The following TGFBR3 variants were observed in gnomAD, a reference collection of about 807,000 sequenced individuals.
TGFBR3 encodes the protein transforming growth factor beta receptor type 3.
Under a neutral mutation model 87.9 loss-of-function variants are expected in TGFBR3, and 46 were observed. The ratio of observed to expected loss-of-function variants is 0.52; its 90% CI spans 0.41 to 0.67. TGFBR3 has a LOEUF of 0.67. Ranked by LOEUF, TGFBR3 falls within the 30% of genes least tolerant of loss-of-function variation. The pLI is 0.00. For synonymous variants in TGFBR3, 381 were observed against 391.6 expected (o/e 0.97, Z 0.32); for missense variants, 866 against 1,041.9 (o/e 0.83, Z 2.32).
At chr1:91,739,599 C>A (rs1263339299) in intron 4 of TGFBR3, among the ~76,000 whole-genome samples, 1 of 152,172 alleles carries the variant, frequency 6.6e-6, no homozygotes, top group Non-Finnish European at 1.5e-5. Context: ...CATTAGCAGT[C>A]CTTGCTGGGG....
intron 1 of TGFBR3, among the ~76,000 whole-genome samples, chr1:91,884,874 G>T (rs957756549): frequency 6.6e-6 from 1 of 152,194 alleles, no homozygotes; most frequent in Admixed American, 6.5e-5. Flanking sequence ...CTCCCAAACC[G>T]CTCACTTCTT....
At chr1:91,797,137 A>G in intron 3 of TGFBR3, 150 bp downstream of exon 3, 1 of 925,796 alleles carries the variant, frequency 1.1e-6, no homozygotes, top group Non-Finnish European at 1.8e-6. Context: ...TGCCCAATCC[A>G]GACAGCAGCT....
chr1:91,746,881 C>T (rs1210346270), intron 4 of TGFBR3, among the ~76,000 whole-genome samples: 1 of 152,174 alleles, frequency 6.6e-6, no homozygotes, highest in Non-Finnish European at 1.5e-5. Context: ...CTCTAGAGCT[C>T]TTTCTATTCC....
In TGFBR3 at chr1:91,832,778, G is replaced by A. The variant is rs566765471; in HGVS notation, c.61+28693C>T. On this transcript the variant is annotated intron_variant, in intron 2 of 16. Coordinates refer to ENST00000212355, the MANE Select transcript of TGFBR3 (RefSeq NM_003243.5). ...AGCACTTTGGGAGGCCGAGGCAGGC[G>A]GATCACATGAGGCCAGGAGTTCAAG... Among the ~76,000 whole-genome samples, 5 of 152,216 alleles carry A rather than the reference G, an allele frequency of 3.3e-5. No homozygotes were observed. The East Asian group carries it at 5.8e-4, about 18-fold the overall frequency.
intron 13 of TGFBR3, among the ~76,000 whole-genome samples, chr1:91,711,737 G>C (rs1483825806): frequency 1.3e-5 from 2 of 152,210 alleles, no homozygotes; most frequent in Non-Finnish European, 2.9e-5. Context: ...AATCTGGAGA[G>C]TGACAGGAGG....
chr1:91,763,418 C>T (rs1252578294), intron 3 of TGFBR3, among the ~76,000 whole-genome samples: 1 of 152,188 alleles, frequency 6.6e-6, no homozygotes, highest in African/African-American at 2.4e-5. Context: ...TCATCCAAAA[C>T]ACTACCAGGG....
At chr1:91,791,544 T>G (rs557977347) in intron 3 of TGFBR3, among the ~76,000 whole-genome samples, 2 of 152,292 alleles carry the variant, frequency 1.3e-5, no homozygotes, top group South Asian at 4.1e-4. Context: ...TACAAACCTA[T>G]GCACAGAACC....
At chr1:91,692,285 T>A (rs987571574) in intron 16 of TGFBR3, among the ~76,000 whole-genome samples, 2 of 152,114 alleles carry the variant, frequency 1.3e-5, no homozygotes, top group African/African-American at 4.8e-5. Flanking sequence ...AGCAATATAC[T>A]CAGGTTATTT....
intron 2 of TGFBR3, among the ~76,000 whole-genome samples, chr1:91,804,657 G>A (rs867397739): frequency 5.3e-5 from 8 of 152,254 alleles, no homozygotes; most frequent in Admixed American, 1.3e-4. Context: ...TGGGGCCCGA[G>A]TATAGCACCT....
intron 2 of TGFBR3, among the ~76,000 whole-genome samples, chr1:91,831,620 TG>T (rs1269010332): frequency 6.6e-6 from 1 of 151,912 alleles, no homozygotes; most frequent in Non-Finnish European, 1.5e-5. Flanking sequence ...CAGGATTTTT[TG>T]TGTTATTTCC....
intron 2 of TGFBR3, among the ~76,000 whole-genome samples, chr1:91,857,331 C>T (rs1056074334): frequency 1.6e-4 from 25 of 152,042 alleles, no homozygotes; most frequent in Non-Finnish European, 2.9e-5. Flanking sequence ...CATTTCCACA[C>T]CAGCTCTCCA....
chr1:91,884,816 G>A (rs1369475897), intron 1 of TGFBR3, among the ~76,000 whole-genome samples: 5 of 152,360 alleles, frequency 3.3e-5, no homozygotes, highest in African/African-American at 1.2e-4. Context: ...TCTGCATTCA[G>A]GAAGAAGAAA....
intron 4 of TGFBR3, among the ~76,000 whole-genome samples, chr1:91,742,591 T>G (rs530285728): frequency 1.3e-5 from 2 of 152,196 alleles, no homozygotes; most frequent in Non-Finnish European, 2.9e-5. Context: ...CACAACCCAA[T>G]GAACTTTCCT....
chr1:91,773,927 T>C (rs1293027515), intron 3 of TGFBR3, among the ~76,000 whole-genome samples: 2 of 152,246 alleles, frequency 1.3e-5, no homozygotes, highest in African/African-American at 4.8e-5. Context: ...ATGTTTGTTT[T>C]AGAGAGTTTC....
intron 3 of TGFBR3, among the ~76,000 whole-genome samples, chr1:91,771,549 C>CA (rs1226576298): frequency 1.3e-5 from 2 of 151,324 alleles, no homozygotes; most frequent in African/African-American, 2.4e-5. Context: ...CTAAAAAATA[C>CA]AAAAAAATTA....
chr1:91,746,618 CTTTT>C (rs962684343), intron 4 of TGFBR3, among the ~76,000 whole-genome samples: 1 of 149,382 alleles, frequency 6.7e-6, no homozygotes, highest in African/African-American at 2.4e-5. Context: ...GGAAGACTCT[CTTTT>C]TTTTTCTTCT....
chr1:91,705,080 C>T (rs1031502717), intron 14 of TGFBR3, among the ~76,000 whole-genome samples: 2 of 152,116 alleles, frequency 1.3e-5, no homozygotes, highest in East Asian at 1.9e-4. Flanking sequence ...CACAGTGAAG[C>T]GTCCCATTGG....
At chr1:91,842,736 T>C (rs1677334568) in intron 2 of TGFBR3, among the ~76,000 whole-genome samples, 1 of 152,222 alleles carries the variant, frequency 6.6e-6, no homozygotes, top group Non-Finnish European at 1.5e-5. Context: ...GATTAACTTT[T>C]TGAAGACCTA....
chr1:91,702,906 G>A (rs1671672500), intron 14 of TGFBR3, among the ~76,000 whole-genome samples: 1 of 152,108 alleles, frequency 6.6e-6, no homozygotes, highest in South Asian at 2.1e-4. Flanking sequence ...TTAGCTGGGC[G>A]TGGTGGCAGG....
Sources: allele counts gnomAD v4.1 joint callset (sites outside exome capture counted in the v4.1 genomes callset), GRCh38; gene constraint gnomAD v4.1.1; transcripts MANE v1.5; gene names NCBI Gene and HGNC (gene_info 2026-07-23, HGNC 2026-07-21).